Variants in SLC40A1 observed in about 807,000 individuals in gnomAD.
The protein encoded by SLC40A1 is ferroportin.
SLC40A1 carries 16 observed loss-of-function variants against 53.5 expected under a neutral mutation model. The observed-to-expected ratio is 0.30, with a 90% CI of 0.20 to 0.45. SLC40A1 has a LOEUF of 0.45. SLC40A1 is among the 20% of genes least tolerant of loss of function. The pLI, the probability that SLC40A1 is intolerant of heterozygous loss-of-function variation, is 1.00. For synonymous variants in SLC40A1, 247 were observed against 253.2 expected, an observed-to-expected ratio of 0.98 and a Z score of 0.23; for missense variants, 545 against 695.4, an observed-to-expected ratio of 0.78 and a Z score of 2.43.
intron 7 of SLC40A1, 125 bp downstream of exon 7, chr2:189,563,459 G>T (rs75162690): frequency 1.3e-6 from 1 of 744,684 alleles, no homozygotes; most frequent in Non-Finnish European, 2.1e-6. Context: ...TAAAAATTTC[G>T]TAAGAGTGGA....
In SLC40A1 at chr2:189,580,480, G is replaced by A. The variant is rs1478227692; in HGVS notation, c.-20C>T. 1.4e-5 allele frequency: 23 copies of A among 1,613,028 alleles called. No homozygotes were observed. Among genetic ancestry groups the A allele is most frequent in the Non-Finnish European group, 1.9e-5 (22 of 1,180,030 alleles). On this transcript the variant is annotated 5_prime_UTR_variant, in exon 1 of 8. Coordinates refer to ENST00000261024, the MANE Select transcript of SLC40A1 (RefSeq NM_014585.6). ...GGTCATGACACTAGGCGACCCCGCT[G>A]GCTCTTCTGCGGCTGCTATCGCTGC... is the stretch of plus-strand genomic sequence containing the variant.
intron 5 of SLC40A1, among the ~76,000 whole-genome samples, chr2:189,566,021 CAT>C (rs921544937): frequency 2.0e-5 from 3 of 151,968 alleles, no homozygotes; most frequent in African/African-American, 7.2e-5. Context: ...AATCAACAAG[CAT>C]ATGTGTGTGT....
chr2:189,579,820 GA>G lies in SLC40A1; in HGVS notation c.103del (p.Ser35LeufsTer17), dbSNP rs2031398744. On this transcript the variant is annotated frameshift_variant, in exon 2 of 8. Coordinates refer to ENST00000261024, the MANE Select transcript of SLC40A1 (RefSeq NM_014585.6). LOFTEE classifies it high-confidence loss of function. ...CTATGCATTCTCACTTACCCAAGTA[GA>G]GAGAGAATGACCAAGGTAGAGAAGG... Reference protein sequence around the residue: ...KFLLYLGHSLSTWGDRMWHFA... With the variant: ...KFLLYLGHSLXTWGDRMWHFA... 6.2e-7 allele frequency: 1 copy of G among 1,613,492 alleles called. No individual in the cohort carries two copies. The highest frequency in any genetic ancestry group is 8.5e-7 in the Non-Finnish European group (1 of 1,179,518).
At chr2:189,576,257 A>G (rs1177867208) in intron 2 of SLC40A1, among the ~76,000 whole-genome samples, 2 of 152,184 alleles carry the variant, frequency 1.3e-5, no homozygotes, top group Non-Finnish European at 2.9e-5. Context: ...TCCCTATAGG[A>G]AACCAAATTC....
In SLC40A1 at chr2:189,580,628, G is replaced by A; in HGVS notation, c.-168C>T. On this transcript the variant is annotated 5_prime_UTR_variant, in exon 1 of 8. Transcript: ENST00000261024. ...GACTTTGGCAAAGAACAAAAGAAAA[G>A]GGGCCCAGGGATTTTCTTTTTTCCT... 1 of 1,533,732 alleles carries A rather than the reference G, an allele frequency of 6.5e-7. No homozygotes were observed. The highest frequency in any genetic ancestry group is 1.2e-5 in the South Asian group (1 of 84,230).
intron 5 of SLC40A1, among the ~76,000 whole-genome samples, chr2:189,570,703 CCA>C (rs929223987): frequency 1.3e-5 from 2 of 152,170 alleles, no homozygotes; most frequent in Non-Finnish European, 2.9e-5. Context: ...TCTAGACCTT[CCA>C]CAGACTTTGT....
At chr2:189,574,333 TAAAAACAGA>T (rs2031226468) in intron 3 of SLC40A1, among the ~76,000 whole-genome samples, 1 of 152,214 alleles carries the variant, frequency 6.6e-6, no homozygotes, top group Admixed American at 6.5e-5. Flanking sequence ...CTACTCATTC[TAAAAACAGA>T]AATATGTTCA....
At position 189,579,856 on chromosome 2, in the gene SLC40A1, G is replaced by T. The variant is rs1251688835; in HGVS notation, c.68C>A (p.Ser23Tyr). Reference sequence around the variant, plus strand: ...ACCAAGGTAGAGAAGGAATTTTGCAGAGGTCAGGTAGTCGGCCAAGGATCC... The same window carrying T: ...ACCAAGGTAGAGAAGGAATTTTGCATAGGTCAGGTAGTCGGCCAAGGATCC... The part of the protein sequence containing the change: ...CCGSLADYLT[S>Y]AKFLLYLGHS... The change falls in exon 2 of 8, where the codon TCT (serine) becomes TAT (tyrosine). Residue 23 changes from serine to tyrosine, a missense_variant. Physicochemically the swap from Ser to Tyr is moderately radical, Grantham distance 144. Around this residue, in one of 4 missense-constraint regions of SLC40A1, gnomAD observed 197 missense variants for 278.8 expected, o/e 0.71. Transcript: ENST00000261024. The T allele has an allele frequency of 6.2e-7, 1 of 1,614,210 alleles. No homozygotes were observed. Among genetic ancestry groups the T allele is most frequent in the Non-Finnish European group, 8.5e-7 (1 of 1,180,038 alleles).
rs111458611 is a variant in SLC40A1, at chr2:189,579,323, A to G, written c.111+490T>C. On this transcript the variant is annotated intron_variant, in intron 2 of 7. Coordinates refer to ENST00000261024, the MANE Select transcript of SLC40A1 (RefSeq NM_014585.6). ...CAGATATTTGTTCTGGGGGTCATTT[A>G]TGTTTCAATTAATCTTAGAATGTTA... Among the ~76,000 whole-genome samples the G allele has an allele frequency of 4.6e-5, 7 of 152,330 alleles. 1 individual carries two copies. The highest frequency in any genetic ancestry group is 1.7e-4 in the African/African-American group (7 of 41,576).
intron 3 of SLC40A1, 139 bp downstream of exon 3, chr2:189,575,022 T>C (rs2031245415): frequency 3.1e-6 from 3 of 977,452 alleles, no homozygotes; most frequent in Non-Finnish European, 4.8e-6. Context: ...GGTGGTGCCA[T>C]CTAAGCCCTC....
intron 7 of SLC40A1, among the ~76,000 whole-genome samples, chr2:189,562,464 C>A (rs1026270378): frequency 2.6e-5 from 4 of 152,092 alleles, no homozygotes; most frequent in African/African-American, 7.2e-5. Flanking sequence ...ATTATTCATA[C>A]TACAAAAACA....
At chr2:189,576,084 A>G (rs1341672524) in intron 2 of SLC40A1, among the ~76,000 whole-genome samples, 1 of 152,224 alleles carries the variant, frequency 6.6e-6, no homozygotes, top group East Asian at 1.9e-4. Context: ...GGAGTTCATT[A>G]CCGTGAAATG....
At chr2:189,571,645 C>T (rs1005459277) in intron 5 of SLC40A1, 70 bp downstream of exon 5, 226 of 1,577,874 alleles carry the variant, frequency 1.4e-4, no homozygotes, top group Non-Finnish European at 1.8e-4. Flanking sequence ...GGCTTACAGC[C>T]TCATTTATCA....
intron 5 of SLC40A1, among the ~76,000 whole-genome samples, chr2:189,570,923 T>C (rs1574242465): frequency 1.3e-5 from 2 of 152,314 alleles, no homozygotes; most frequent in African/African-American, 4.8e-5. Context: ...TTGACTCAGC[T>C]GATCTGACAG....
At chr2:189,579,948 T>A (rs2031403677) in intron 1 of SLC40A1, 68 bp from the exon 2 acceptor site, 6 of 1,439,362 alleles carry the variant, frequency 4.2e-6, no homozygotes, top group Non-Finnish European at 2.0e-6. Flanking sequence ...GCAGAATGCT[T>A]ATCCATTTGA....
chr2:189,578,194 G>GA (rs1197980203), intron 2 of SLC40A1: 1 of 985,002 alleles, frequency 1.0e-6, no homozygotes, highest in Non-Finnish European at 1.2e-6. Context: ...CCACACAAGA[G>GA]AAAAAACATA....
intron 2 of SLC40A1, among the ~76,000 whole-genome samples, chr2:189,577,314 A>C (rs1213522487): frequency 6.6e-6 from 1 of 152,214 alleles, no homozygotes; most frequent in Non-Finnish European, 1.5e-5. Context: ...CTCACATTCC[A>C]GTGAGCACAG....
chr2:189,561,208 AC>A lies in SLC40A1; in HGVS notation c.*669del, dbSNP rs2030727729. On this transcript the variant is annotated 3_prime_UTR_variant, in exon 8 of 8. Coordinates refer to ENST00000261024, the MANE Select transcript of SLC40A1 (RefSeq NM_014585.6). ...AAATCTACTTTACAGCTTTGCTTCT[AC>A]CTGCAGCTTACATGATAACCATGCT... is the stretch of plus-strand genomic sequence containing the variant. 1 of 152,310 alleles carries A rather than the reference AC, an allele frequency of 6.6e-6. No homozygotes were observed. The highest frequency in any genetic ancestry group is 1.9e-4 in the East Asian group (1 of 5,198). 9.4% of individuals were successfully genotyped at this position (152,310 alleles called of 1,614,324 possible). A position where few individuals can be genotyped will look rare whatever the true frequency, so the allele number is the denominator to read the frequency against.
chr2:189,574,400 T>G (rs2031228332), intron 3 of SLC40A1, among the ~76,000 whole-genome samples: 1 of 152,200 alleles, frequency 6.6e-6, no homozygotes, highest in African/African-American at 2.4e-5. Context: ...TTGATAAGCC[T>G]GTTGCTCTGT....
Sources: allele counts gnomAD v4.1 joint callset (sites outside exome capture counted in the v4.1 genomes callset), GRCh38; gene constraint gnomAD v4.1.1; regional missense constraint gnomAD v4.1.1; transcripts MANE v1.5; gene names NCBI Gene and HGNC (gene_info 2026-07-23, HGNC 2026-07-21).